The following CSNK2A2IP variants were observed in gnomAD, a reference collection of about 807,000 sequenced individuals.
The protein encoded by CSNK2A2IP is casein kinase 2 subunit alpha' interacting protein, also known as casein kinase II subunit alpha'-interacting protein.
chr3:88,387,241 A>G, the CSNK2A2IP span, among the ~76,000 whole-genome samples: 1 of 147,266 alleles, frequency 6.8e-6, no homozygotes, highest in Admixed American at 6.9e-5. Flanking sequence ...GGCTCATTGC[A>G]GCCTCCGCCT....
chr3:88,376,273 C>A, the CSNK2A2IP span, among the ~76,000 whole-genome samples: 1 of 151,694 alleles, frequency 6.6e-6, no homozygotes, highest in Non-Finnish European at 1.5e-5. Context: ...TTATTCAAAT[C>A]AATTTCCTGC....
At chr3:88,425,392 C>T in the CSNK2A2IP span, among the ~76,000 whole-genome samples, 1 of 152,076 alleles carries the variant, frequency 6.6e-6, no homozygotes, top group Non-Finnish European at 1.5e-5. Flanking sequence ...TGCTAACCTA[C>T]ATAAGAGTAA....
the CSNK2A2IP span, among the ~76,000 whole-genome samples, chr3:88,372,081 C>T: frequency 6.6e-6 from 1 of 151,458 alleles, no homozygotes; most frequent in African/African-American, 2.4e-5. Context: ...CAAAAAGGGC[C>T]AGATATTATA....
the CSNK2A2IP span, among the ~76,000 whole-genome samples, chr3:88,395,157 G>C: frequency 6.6e-6 from 1 of 152,120 alleles, no homozygotes; most frequent in East Asian, 1.9e-4. Context: ...TTTTCTCCTA[G>C]TTTTTGTTAA....
chr3:88,467,100 C>T, the CSNK2A2IP span: 12 of 601,934 alleles, frequency 2.0e-5, no homozygotes, highest in Admixed American at 8.7e-5. Flanking sequence ...CGGTAGCCCC[C>T]GAAAACAAAG....
the CSNK2A2IP span, among the ~76,000 whole-genome samples, chr3:88,421,857 G>A: frequency 6.6e-6 from 1 of 152,110 alleles, no homozygotes; most frequent in Admixed American, 6.6e-5. Context: ...TTATCCATAA[G>A]GATGACTTTT....
the CSNK2A2IP span, among the ~76,000 whole-genome samples, chr3:88,407,341 T>C: frequency 6.7e-6 from 1 of 149,214 alleles, no homozygotes; most frequent in Non-Finnish European, 1.5e-5. Flanking sequence ...TGCATATTCA[T>C]GCATATCTTG....
the CSNK2A2IP span, among the ~76,000 whole-genome samples, chr3:88,373,751 A>C: frequency 6.6e-6 from 1 of 151,356 alleles, no homozygotes; most frequent in African/African-American, 2.4e-5. Flanking sequence ...AACTTGACAG[A>C]GCAAGCAAAA....
chr3:88,371,692 C>A, the CSNK2A2IP span, among the ~76,000 whole-genome samples: 1 of 151,630 alleles, frequency 6.6e-6, no homozygotes, highest in African/African-American at 2.4e-5. Flanking sequence ...GAACTTATAC[C>A]TACAGGAAGT....
chr3:88,404,647 A>G, the CSNK2A2IP span, among the ~76,000 whole-genome samples: 1 of 123,026 alleles, frequency 8.1e-6, no homozygotes, highest in Non-Finnish European at 1.9e-5. Flanking sequence ...TTATCCATAC[A>G]ACTCCATCAT....
At chr3:88,406,448 C>T in the CSNK2A2IP span, among the ~76,000 whole-genome samples, 4 of 152,116 alleles carry the variant, frequency 2.6e-5, no homozygotes, top group Admixed American at 6.6e-5. Context: ...TTTTTCATTT[C>T]GTTTTTCTCT....
chr3:88,358,176 A>G, the CSNK2A2IP span, among the ~76,000 whole-genome samples: 1 of 152,132 alleles, frequency 6.6e-6, no homozygotes, highest in Non-Finnish European at 1.5e-5. Context: ...TGATTTTTGT[A>G]TGTTGACTTT....
the CSNK2A2IP span, among the ~76,000 whole-genome samples, chr3:88,419,418 G>A: frequency 2.0e-5 from 3 of 152,264 alleles, no homozygotes; most frequent in South Asian, 6.2e-4. Flanking sequence ...CATTCATGCT[G>A]CTGCAAAGGA....
At chr3:88,366,744 T>G in the CSNK2A2IP span, among the ~76,000 whole-genome samples, 1 of 152,046 alleles carries the variant, frequency 6.6e-6, no homozygotes, top group Non-Finnish European at 1.5e-5. Flanking sequence ...GAAATCTTTC[T>G]TAAATAGGGG....
the CSNK2A2IP span, among the ~76,000 whole-genome samples, chr3:88,357,687 C>A: frequency 2.6e-5 from 4 of 151,908 alleles, no homozygotes; most frequent in Non-Finnish European, 5.9e-5. Context: ...GACAATTTAA[C>A]AATATTGATT....
the CSNK2A2IP span, among the ~76,000 whole-genome samples, chr3:88,439,314 A>T: frequency 1.3e-5 from 2 of 152,260 alleles, no homozygotes; most frequent in African/African-American, 4.8e-5. Context: ...TTCCTATAGA[A>T]CTTATTTTGA....
chr3:88,365,947 T>C, the CSNK2A2IP span, among the ~76,000 whole-genome samples: 1 of 152,160 alleles, frequency 6.6e-6, no homozygotes, highest in Non-Finnish European at 1.5e-5. Flanking sequence ...AAGGGGGTTA[T>C]TATTTACTTA....
chr3:88,466,224 T>A, the CSNK2A2IP span: 2 of 1,231,658 alleles, frequency 1.6e-6, no homozygotes. Context: ...CTAACCCCAC[T>A]ATTGGAGGCT....
the CSNK2A2IP span, among the ~76,000 whole-genome samples, chr3:88,451,511 T>C: frequency 6.6e-6 from 1 of 152,040 alleles, no homozygotes; most frequent in African/African-American, 2.4e-5. Context: ...AGCAATGAAC[T>C]CAATAACCTC....
Sources: allele counts gnomAD v4.1 joint callset (sites outside exome capture counted in the v4.1 genomes callset), GRCh38; gene constraint gnomAD v4.1.1; transcripts MANE v1.5; gene names NCBI Gene and HGNC (gene_info 2026-07-23, HGNC 2026-07-21).